The following ATP9B variants were observed in gnomAD, a reference collection of about 807,000 sequenced individuals.
The protein encoded by ATP9B is ATPase phospholipid transporting 9B.
In ATP9B, 110 loss-of-function variants were observed where a neutral mutation model predicts 146.1. The ratio of observed to expected loss-of-function variants is 0.75; its 90% confidence interval spans 0.65 to 0.88. ATP9B has a LOEUF of 0.88. Ranked by LOEUF, ATP9B falls within the 40% of genes least tolerant of loss-of-function variation. The pLI, the probability that ATP9B is intolerant of heterozygous loss-of-function variation, is 0.00. For synonymous variants in ATP9B, 604 were observed against 569.7 expected (o/e 1.06, Z -0.86); for missense variants, 1,499 against 1,496.4 (o/e 1.00, Z -0.03).
chr18:79,234,503 G>C (rs1310280666), intron 11 of ATP9B, among the ~76,000 whole-genome samples: 1 of 152,242 alleles, frequency 6.6e-6, no homozygotes, highest in Non-Finnish European at 1.5e-5. Flanking sequence ...CTTCCTGCGT[G>C]TTCTGCAGGG....
At position 79,330,113 on chromosome 18, in the gene ATP9B, G is replaced by A; in HGVS notation, c.2028+9G>A. 6.2e-7 allele frequency: 1 copy of A among 1,612,998 alleles called. No homozygotes were observed. Among genetic ancestry groups the A allele is most frequent in the Non-Finnish European group, 8.5e-7 (1 of 1,178,950 alleles). On this transcript the variant is annotated intron_variant, in intron 17 of 29. Transcript: ENST00000426216. Reference sequence around the variant, plus strand: ...ACTGGCTGGAAGAGGAGGTATGTGAGTGACTCTAGCGTGGTTCACAGTGTT... The same window carrying A: ...ACTGGCTGGAAGAGGAGGTATGTGAATGACTCTAGCGTGGTTCACAGTGTT...
intron 15 of ATP9B, among the ~76,000 whole-genome samples, chr18:79,313,062 C>T (rs989989430): frequency 2.0e-5 from 3 of 152,142 alleles, no homozygotes; most frequent in Non-Finnish European, 4.4e-5. Flanking sequence ...TCAGTGGGCA[C>T]GATTGTTAAG....
intron 2 of ATP9B, among the ~76,000 whole-genome samples, chr18:79,101,172 C>CT (rs2075255097): frequency 6.6e-6 from 1 of 151,990 alleles, no homozygotes; most frequent in Non-Finnish European, 1.5e-5. Context: ...AGCCAAGATG[C>CT]AGAACCATTC....
At chr18:79,169,957 A>G (rs1263964860) in intron 7 of ATP9B, among the ~76,000 whole-genome samples, 2 of 152,206 alleles carry the variant, frequency 1.3e-5, no homozygotes, top group Admixed American at 6.5e-5. Flanking sequence ...AAGTTACAAA[A>G]TTACCTTACG....
intron 14 of ATP9B, among the ~76,000 whole-genome samples, chr18:79,305,594 C>CTATTT (rs1568628397): frequency 6.6e-6 from 1 of 150,760 alleles, no homozygotes; most frequent in Non-Finnish European, 1.5e-5. Context: ...ATGAGCTCTG[C>CTATTT]TTTTTAAAAA....
intron 6 of ATP9B, among the ~76,000 whole-genome samples, chr18:79,150,081 A>G (rs1299767619): frequency 7.7e-6 from 1 of 130,256 alleles, no homozygotes; most frequent in Non-Finnish European, 1.6e-5. Flanking sequence ...CTGTATCTCA[A>G]AAAATAAAAA....
At chr18:79,286,548 A>G (rs1051572577) in intron 13 of ATP9B, among the ~76,000 whole-genome samples, 17 of 152,150 alleles carry the variant, frequency 1.1e-4, no homozygotes, top group Non-Finnish European at 2.1e-4. Flanking sequence ...TAGATATACA[A>G]TCATGTCATC....
intron 5 of ATP9B, among the ~76,000 whole-genome samples, chr18:79,133,804 C>A (rs2094413151): frequency 6.6e-6 from 1 of 152,186 alleles, no homozygotes; most frequent in South Asian, 2.1e-4. Context: ...GTCACTAAAG[C>A]GGACTGAGGT....
chr18:79,080,775 A>T (rs1239873563), intron 1 of ATP9B, among the ~76,000 whole-genome samples: 3 of 151,554 alleles, frequency 2.0e-5, no homozygotes, highest in Non-Finnish European at 4.4e-5. Flanking sequence ...AATAGCTCTT[A>T]TTATTTTGAG....
chr18:79,347,635 G>A (rs1174335659), intron 23 of ATP9B, 135 bp from the exon 24 acceptor site: 2 of 1,080,378 alleles, frequency 1.9e-6, no homozygotes, highest in South Asian at 4.1e-5. Flanking sequence ...CCCATCGACG[G>A]AGCTGAAGCT....
At chr18:79,195,847 G>A (rs1302801513) in intron 9 of ATP9B, among the ~76,000 whole-genome samples, 1 of 152,138 alleles carries the variant, frequency 6.6e-6, no homozygotes, top group Non-Finnish European at 1.5e-5. Context: ...AGAAGTTGAT[G>A]GATGTGGAAG....
intron 2 of ATP9B, among the ~76,000 whole-genome samples, chr18:79,099,262 G>A (rs1179784830): frequency 6.6e-6 from 1 of 151,222 alleles, no homozygotes; most frequent in Non-Finnish European, 1.5e-5. Flanking sequence ...TTGCTTTGTT[G>A]CCAGGCTGGA....
chr18:79,134,817 G>A (rs943188730), intron 5 of ATP9B, among the ~76,000 whole-genome samples: 2 of 151,920 alleles, frequency 1.3e-5, no homozygotes, highest in Admixed American at 6.6e-5. Flanking sequence ...ATTTTTCTTG[G>A]ATGTAATGTA....
chr18:79,272,487 T>C (rs868705379), intron 12 of ATP9B, among the ~76,000 whole-genome samples: 2 of 150,470 alleles, frequency 1.3e-5, no homozygotes, highest in Middle Eastern at 3.4e-3. Context: ...TACGCTTCTC[T>C]CCCTGAGCTG....
At chr18:79,262,657 A>C (rs986666218) in intron 12 of ATP9B, among the ~76,000 whole-genome samples, 2 of 152,222 alleles carry the variant, frequency 1.3e-5, no homozygotes, top group African/African-American at 4.8e-5. Context: ...AACCTGGTTA[A>C]TACTGCTTTT....
intron 25 of ATP9B, 148 bp downstream of exon 25, chr18:79,348,344 T>C: frequency 1.3e-6 from 1 of 764,184 alleles, no homozygotes; most frequent in Non-Finnish European, 2.1e-6. Context: ...AACAACATTT[T>C]ACTTGGGTGA....
intron 19 of ATP9B, among the ~76,000 whole-genome samples, chr18:79,338,975 C>G (rs1434046257): frequency 1.3e-5 from 2 of 152,208 alleles, no homozygotes; most frequent in African/African-American, 4.8e-5. Flanking sequence ...GTGCCATGGA[C>G]AGAAAATAGG....
intron 15 of ATP9B, among the ~76,000 whole-genome samples, chr18:79,311,650 A>T (rs73003809): frequency 9.4e-4 from 143 of 152,360 alleles, no homozygotes; most frequent in Non-Finnish European, 1.6e-3. Flanking sequence ...GCCATGTAAG[A>T]ACCTAAAGGA....
At chr18:79,358,922 T>G (rs2096970154) in intron 25 of ATP9B, among the ~76,000 whole-genome samples, 1 of 149,000 alleles carries the variant, frequency 6.7e-6, no homozygotes, top group Admixed American at 6.7e-5. Context: ...GGTCTGGAGG[T>G]GTCTGTGTGA....
Sources: allele counts gnomAD v4.1 joint callset (sites outside exome capture counted in the v4.1 genomes callset), GRCh38; gene constraint gnomAD v4.1.1; transcripts MANE v1.5; gene names NCBI Gene and HGNC (gene_info 2026-07-23, HGNC 2026-07-21).